OLFM1: variants seen among roughly 807,000 people sequenced by gnomAD.
OLFM1 encodes noelin.
A neutral mutation model predicts 49.7 loss-of-function variants in OLFM1; 9 were observed. The ratio of observed to expected loss-of-function variants is 0.18; its 90% confidence interval spans 0.11 to 0.32. The LOEUF (loss-of-function observed/expected upper bound fraction) is 0.32. Among genes scored for constraint, OLFM1 ranks in the 10% least tolerant of loss-of-function variants. The pLI, the probability that OLFM1 is intolerant of heterozygous loss-of-function variation, is 1.00. For synonymous variants in OLFM1, 240 were observed against 271.8 expected (o/e 0.88, Z 1.15); for missense variants, 369 against 661.8 (o/e 0.56, Z 4.85).
intron 4 of OLFM1, among the ~76,000 whole-genome samples, chr9:135,104,421 G>A (rs1830911083): frequency 6.6e-6 from 1 of 152,228 alleles, no homozygotes; most frequent in Non-Finnish European, 1.5e-5. Context: ...TAGGTCATGC[G>A]ACCGGGATGA....
intron 4 of OLFM1, chr9:135,106,474 A>C: frequency 2.2e-6 from 1 of 446,002 alleles, no homozygotes; most frequent in Non-Finnish European, 4.0e-6. Flanking sequence ...CAGGCTGAGG[A>C]GGCGTGAAGC....
intron 4 of OLFM1, among the ~76,000 whole-genome samples, chr9:135,103,894 G>A (rs1294606149): frequency 6.6e-6 from 1 of 152,130 alleles, no homozygotes; most frequent in Non-Finnish European, 1.5e-5. Flanking sequence ...GAAGGAGAGG[G>A]AGTACACAGC....
chr9:135,111,535 T>C (rs1297840233), intron 5 of OLFM1, among the ~76,000 whole-genome samples: 1 of 152,136 alleles, frequency 6.6e-6, no homozygotes, highest in Non-Finnish European at 1.5e-5. Flanking sequence ...ATCTGAACTT[T>C]CCTGCCTGTG....
At chr9:135,111,984 G>A (rs1026953747) in intron 5 of OLFM1, among the ~76,000 whole-genome samples, 1 of 152,190 alleles carries the variant, frequency 6.6e-6, no homozygotes, top group African/African-American at 2.4e-5. Context: ...CAAAGTGCTG[G>A]GATTACAGGC....
chr9:135,105,342 G>A (rs1240039082), intron 4 of OLFM1, among the ~76,000 whole-genome samples: 2 of 152,236 alleles, frequency 1.3e-5, no homozygotes, highest in African/African-American at 2.4e-5. Flanking sequence ...GTCTTTTTCT[G>A]TGGGCAGTGG....
chr9:135,115,371 G>A (rs372635320), intron 5 of OLFM1, among the ~76,000 whole-genome samples: 12 of 152,362 alleles, frequency 7.9e-5, no homozygotes, highest in East Asian at 5.8e-4. Context: ...GAGATTGCTT[G>A]CCCAAGGTCA....
At position 135,080,771 on chromosome 9, in the gene OLFM1, G is replaced by A. The variant is rs1162939024; in HGVS notation, c.96+4969G>A. Reference sequence around the variant, plus strand: ...ACTGAATTAGATACATGGCAACCACGAGCTAGGCTGACAGGGCGAGCAGCC... The same window carrying A: ...ACTGAATTAGATACATGGCAACCACAAGCTAGGCTGACAGGGCGAGCAGCC... On this transcript the variant is annotated intron_variant, in intron 1 of 5. Coordinates refer to the OLFM1 transcript ENST00000252854. This position sits in a 1 kb window ranked among gnomAD's most constrained non-coding sequence, Gnocchi z 4.5. Among the ~76,000 whole-genome samples, 1 of 152,072 alleles carries A rather than the reference G, an allele frequency of 6.6e-6. No individual in the cohort carries two copies. The highest frequency in any genetic ancestry group is 1.5e-5 in the Non-Finnish European group (1 of 68,036).
rs1239410390 is a variant in OLFM1, at chr9:135,088,194, C to A, written c.150+55C>A. ...GGCTCCTCCTCCTCCTCCTCCTCCC[C>A]CTCCTCGGTCCGGAGCCCCGGGCTG... On this transcript the variant is annotated intron_variant, in intron 1 of 5. Transcript: ENST00000371793. This position sits in a 1 kb window ranked among gnomAD's most constrained non-coding sequence, Gnocchi z 4.8. 8.0e-7 allele frequency: 1 copy of A among 1,246,770 alleles called. No individual in the cohort carries two copies. 77.2% of individuals were successfully genotyped at this position (1,246,770 alleles called of 1,614,324 possible). A position where few individuals can be genotyped will look rare whatever the true frequency, so the allele number is the denominator to read the frequency against.
At chr9:135,076,264 G>T (rs138805006) in intron 1 of OLFM1, 4 of 1,550,582 alleles carry the variant, frequency 2.6e-6, no homozygotes, top group Non-Finnish European at 3.5e-6. Flanking sequence ...GCCCTTGGGG[G>T]CTCCAGAAAC....
rs1831052838 is a variant in OLFM1 at position 135,113,576 on chromosome 9, A to G, written c.784-5928A>G. Among the ~76,000 whole-genome samples the G allele has an allele frequency of 6.6e-6, 1 of 152,028 alleles. No individual in the cohort carries two copies. Among genetic ancestry groups the G allele is most frequent in the African/African-American group, 2.4e-5 (1 of 41,380 alleles). On this transcript the variant is annotated intron_variant, in intron 5 of 5. Transcript: ENST00000371793. This position sits in a 1 kb window ranked among gnomAD's most constrained non-coding sequence, Gnocchi z 4.0. ...GGAGACTGGCGGTGGCTGGCGGTGG[A>G]GGCGCTTCTTGGTGCCGCATTAACA... is the stretch of plus-strand genomic sequence containing the variant.
At chr9:135,111,899 T>C (rs1379204810) in intron 5 of OLFM1, among the ~76,000 whole-genome samples, 1 of 152,074 alleles carries the variant, frequency 6.6e-6, no homozygotes, top group Non-Finnish European at 1.5e-5. Context: ...TGTTTTTTAG[T>C]AGAGACAGGG....
intron 1 of OLFM1, among the ~76,000 whole-genome samples, chr9:135,081,580 C>T (rs1386831312): frequency 6.6e-6 from 1 of 152,136 alleles, no homozygotes; most frequent in Non-Finnish European, 1.5e-5. Flanking sequence ...GAGTGCCTGC[C>T]CAGCTGCCTC....
chr9:135,106,904 C>G (rs200077953), intron 5 of OLFM1, 49 bp downstream of exon 5: 2 of 1,435,124 alleles, frequency 1.4e-6, no homozygotes, highest in East Asian at 2.5e-5. Flanking sequence ...AGGGCGCTCT[C>G]GGACACCTGG....
rs527455558 is a variant in OLFM1 at position 135,117,892 on chromosome 9, C to A, written c.784-1612C>A. Among the ~76,000 whole-genome samples, 4 of 152,256 alleles carry A rather than the reference C, an allele frequency of 2.6e-5. No homozygotes were observed. The highest frequency in any genetic ancestry group is 5.9e-5 in the Non-Finnish European group (4 of 68,046). ...AGATCCTTTCTTCAAACTGTGTGTT[C>A]CCATCTCACCTTCCCACTAGACCCT... On this transcript the variant is annotated intron_variant, in intron 5 of 5. Coordinates refer to ENST00000371793, the MANE Select transcript of OLFM1 (RefSeq NM_001282611.2). The surrounding 1 kb of genome is among the most constrained non-coding windows in gnomAD (Gnocchi z 5.5).
chr9:135,088,093 C>G lies in OLFM1; in HGVS notation c.104C>G (p.Thr35Ser). ...TLPSLVGLNT[T>S]KLSAAGGGTL... ...CCCTCGCTGGTGGGCCTCAACACCA[C>G]CAAGCTCTCGGCGGCCGGCGGCGGG... The change falls in exon 1 of 6, where the codon ACC becomes AGC. Residue 35 changes from threonine (T) to serine (S), a missense_variant. Transcript: ENST00000371793. The surrounding 1 kb of genome is among the most constrained non-coding windows in gnomAD (Gnocchi z 4.8). 1 of 1,427,696 alleles carries G rather than the reference C, an allele frequency of 7.0e-7. No homozygotes were observed. The highest frequency in any genetic ancestry group is 9.3e-7 in the Non-Finnish European group (1 of 1,075,606). 88.4% of individuals were successfully genotyped at this position (1,427,696 alleles called of 1,614,324 possible).
chr9:135,091,771 A>ACACACTCATAGT (rs1192919173), intron 2 of OLFM1, among the ~76,000 whole-genome samples: 5 of 146,338 alleles, frequency 3.4e-5, no homozygotes, highest in Admixed American at 1.3e-4. Flanking sequence ...TCACACAGTC[A>ACACACTCATAGT]CACACACACT....
At position 135,088,025 on chromosome 9, in the gene OLFM1, G is replaced by A; in HGVS notation, c.36G>A (p.Leu12=). 6.9e-7 allele frequency: 1 copy of A among 1,459,744 alleles called. No homozygotes were observed. The highest frequency in any genetic ancestry group is 1.5e-5 in the African/African-American group (1 of 68,130). 90.4% of individuals were successfully genotyped at this position (1,459,744 alleles called of 1,614,324 possible). Residue 12 remains leucine (L), a synonymous_variant, in exon 1 of 6, where the codon CTG becomes CTA. Coordinates refer to ENST00000371793, the MANE Select transcript of OLFM1 (RefSeq NM_001282611.2). The surrounding 1 kb of genome is among the most constrained non-coding windows in gnomAD (Gnocchi z 4.8). ...SVPLLKIGVV[L]STMAMITNWM... is the part of the protein sequence containing the mutation. The stretch of plus-strand genomic sequence containing the variant: ...CGCTGCTCAAGATCGGGGTCGTGCT[G>A]AGCACCATGGCCATGATCACTAACT...
At position 135,113,767 on chromosome 9, in the gene OLFM1, CA is replaced by C. The variant is rs1054512872; in HGVS notation, c.784-5736del. ...TCCGGGCTCACGGTCAGGTGGGAGA[CA>C]CATGCCCGATGCCCCAGCACACGGG... On this transcript the variant is annotated intron_variant, in intron 5 of 5. Coordinates refer to ENST00000371793, the MANE Select transcript of OLFM1 (RefSeq NM_001282611.2). This position sits in a 1 kb window ranked among gnomAD's most constrained non-coding sequence, Gnocchi z 4.0. Among the ~76,000 whole-genome samples, 4 of 152,202 alleles carry C rather than the reference CA, an allele frequency of 2.6e-5. No individual in the cohort carries two copies. Among genetic ancestry groups the C allele is most frequent in the African/African-American group, 9.6e-5 (4 of 41,466 alleles).
chr9:135,078,894 G>C (rs1588199802), intron 1 of OLFM1, among the ~76,000 whole-genome samples: 1 of 152,180 alleles, frequency 6.6e-6, no homozygotes, highest in East Asian at 1.9e-4. Flanking sequence ...CTTGAGAAAG[G>C]CCCTTTAACC....
Sources: gnomAD v4.1 joint callset for allele counts (sites outside exome capture counted in the v4.1 genomes callset) on GRCh38, gnomAD v4.1.1 for gene constraint, Gnocchi (gnomAD v3.1) non-coding constraint, MANE v1.5 for transcripts, NCBI Gene and HGNC (gene_info 2026-07-23, HGNC 2026-07-21) for gene names.